CCSER1: variants seen among roughly 807,000 people sequenced by gnomAD.
CCSER1 encodes the protein serine-rich coiled-coil domain-containing protein 1.
A neutral mutation model predicts 82.0 loss-of-function variants in CCSER1; 41 were observed. That is an observed-to-expected ratio of 0.50 (90% confidence interval 0.39 to 0.65). CCSER1 has a LOEUF of 0.65. CCSER1 is among the 30% of genes least tolerant of loss of function. CCSER1 has a pLI of 0.00. For missense variants in CCSER1, 1,119 were observed against 1,064.2 expected, an observed-to-expected ratio of 1.05 and a Z score of -0.72; for synonymous variants, 414 against 383.9, an observed-to-expected ratio of 1.08 and a Z score of -0.92.
At position 90,287,838 on chromosome 4, in the gene CCSER1, A is replaced by G. The variant is rs79916769; in HGVS notation, c.-41-20406A>G. On this transcript the variant is annotated intron_variant, in intron 1 of 10. Coordinates refer to ENST00000509176, the MANE Select transcript of CCSER1 (RefSeq NM_001145065.2). ...TTGAAACTTTATGTATTTATGTTTCATTTTTCTATTCCATCCTGACTTTTC... is the reference window on the plus strand; with the variant it reads ...TTGAAACTTTATGTATTTATGTTTCGTTTTTCTATTCCATCCTGACTTTTC... 2.2e-3 allele frequency among the ~76,000 whole-genome samples: 339 copies of G among 151,962 alleles called. 8 individuals are homozygous for G. The East Asian group carries it at 0.056, about 25-fold the overall frequency.
chr4:90,672,304 T>A lies in CCSER1; in HGVS notation c.1932+44072T>A, dbSNP rs116235563. Among the ~76,000 whole-genome samples, 633 of 152,196 alleles carry A rather than the reference T, an allele frequency of 4.2e-3. 8 individuals are homozygous for A. The highest frequency in any genetic ancestry group is 0.015 in the African/African-American group (620 of 41,552). ...TAGCTAGATCTTCTGGATAACTTGCTGCAGCATCTTCATCAACACTTACTG... is the reference window on the plus strand; with the variant it reads ...TAGCTAGATCTTCTGGATAACTTGCAGCAGCATCTTCATCAACACTTACTG... On this transcript the variant is annotated intron_variant, in intron 6 of 10. Coordinates refer to ENST00000509176, the MANE Select transcript of CCSER1 (RefSeq NM_001145065.2).
chr4:90,650,218 AAAACAAACAAACAAAC>A (rs10593067), intron 6 of CCSER1, among the ~76,000 whole-genome samples: 2 of 151,672 alleles, frequency 1.3e-5, no homozygotes, highest in African/African-American at 4.9e-5. Flanking sequence ...CTCCGTCTCA[AAAACAAACAAACAAAC>A]AAACAAACAG....
At chr4:91,283,878 G>A (rs964131655) in intron 10 of CCSER1, among the ~76,000 whole-genome samples, 2 of 152,028 alleles carry the variant, frequency 1.3e-5, no homozygotes, top group Admixed American at 1.3e-4. Context: ...ATTCAGCTCT[G>A]TGTTGTAAAC....
Position 91,310,229 on chromosome 4 carries a change from C to A in CCSER1, c.2217+224235C>A, listed in dbSNP as rs189509708. Among the ~76,000 whole-genome samples the A allele has an allele frequency of 1.5e-4, 23 of 151,908 alleles. No homozygotes were observed. In the East Asian group the frequency reaches 4.5e-3, roughly 30 times the overall value. ...GAGTCCTTTTAATTGCAACATTGGC[C>A]TGATTGGCTGCCATTTTATTATCGT... On this transcript the variant is annotated intron_variant, in intron 10 of 10. Transcript: ENST00000509176.
intron 9 of CCSER1, among the ~76,000 whole-genome samples, chr4:90,927,091 A>G (rs1480525764): frequency 6.6e-6 from 1 of 152,062 alleles, no homozygotes; most frequent in African/African-American, 2.4e-5. Flanking sequence ...ATATTCTGAC[A>G]GTGAGAAATT....
In CCSER1 at chr4:91,047,478, T is replaced by C. The variant is rs576242338; in HGVS notation, c.2173-38472T>C. On this transcript the variant is annotated intron_variant, in intron 9 of 10. Transcript: ENST00000509176. The stretch of plus-strand genomic sequence containing the variant: ...ACTCAGCTTGATCACCACAACAAAG[T>C]TAATGCAAAATTTATGACAAATTAC... Among the ~76,000 whole-genome samples, 16 of 152,224 alleles carry C rather than the reference T, an allele frequency of 1.1e-4. 1 individual carries two copies. In the South Asian group the frequency reaches 3.3e-3, roughly 32 times the overall value.
intron 3 of CCSER1, among the ~76,000 whole-genome samples, chr4:90,390,786 C>T (rs781004455): frequency 5.3e-5 from 8 of 151,972 alleles, no homozygotes; most frequent in Non-Finnish European, 1.0e-4. Context: ...TATTTATTTT[C>T]TTTTTGATAT....
At chr4:90,483,545 G>T (rs1766451040) in intron 5 of CCSER1, among the ~76,000 whole-genome samples, 2 of 152,166 alleles carry the variant, frequency 1.3e-5, no homozygotes, top group South Asian at 4.1e-4. Flanking sequence ...GCTTCCTTCA[G>T]GAGGTCTTTC....
intron 10 of CCSER1, among the ~76,000 whole-genome samples, chr4:91,396,298 G>A (rs1029611710): frequency 6.6e-6 from 1 of 152,202 alleles, no homozygotes; most frequent in South Asian, 2.1e-4. Context: ...GGTAATAATT[G>A]TAGTTTAGCT....
At chr4:90,434,719 A>G (rs894026790) in intron 4 of CCSER1, among the ~76,000 whole-genome samples, 10 of 152,120 alleles carry the variant, frequency 6.6e-5, no homozygotes, top group Admixed American at 4.6e-4. Context: ...GTGGTGGCTG[A>G]TTTGAGGAAC....
chr4:90,873,039 A>G (rs1308596745), intron 8 of CCSER1, among the ~76,000 whole-genome samples: 4 of 151,988 alleles, frequency 2.6e-5, no homozygotes, highest in Admixed American at 2.0e-4. Context: ...TGATTATTAA[A>G]TATCTTAGGT....
At chr4:91,403,596 T>C (rs1240325578) in intron 10 of CCSER1, among the ~76,000 whole-genome samples, 2 of 152,202 alleles carry the variant, frequency 1.3e-5, no homozygotes, top group Non-Finnish European at 2.9e-5. Context: ...TGAGAATTTT[T>C]AGCATGAAGG....
At chr4:91,020,309 T>G (rs1436579315) in intron 9 of CCSER1, among the ~76,000 whole-genome samples, 1 of 152,200 alleles carries the variant, frequency 6.6e-6, no homozygotes, top group Admixed American at 6.5e-5. Context: ...TGTTGCCCTT[T>G]GGTAAGTATT....
chr4:91,334,326 T>C (rs376099932), intron 10 of CCSER1, among the ~76,000 whole-genome samples: 45 of 152,252 alleles, frequency 3.0e-4, no homozygotes, highest in Middle Eastern at 3.4e-3. Context: ...CGTATGCTTC[T>C]TGAGGTATGT....
In CCSER1 at chr4:91,470,083, A is replaced by C. The variant is rs574866571; in HGVS notation, c.2218-128489A>C. ...TTAAATCTGTAGATGCAAAAAGCCT[A>C]CTTATATAACCAGTGCTGAAATGAC... On this transcript the variant is annotated intron_variant, in intron 10 of 10. Transcript: ENST00000509176. Among the ~76,000 whole-genome samples the C allele has an allele frequency of 2.6e-3, 399 of 152,276 alleles. 2 individuals are homozygous for C. The highest frequency in any genetic ancestry group is 4.4e-3 in the Non-Finnish European group (300 of 68,006).
intron 1 of CCSER1, among the ~76,000 whole-genome samples, chr4:90,225,542 T>C (rs1743007221): frequency 6.6e-6 from 1 of 152,224 alleles, no homozygotes; most frequent in African/African-American, 2.4e-5. Context: ...ATTATCTATT[T>C]GGCAATTGAG....
At chr4:91,109,812 T>G (rs2148869361) in intron 10 of CCSER1, among the ~76,000 whole-genome samples, 1 of 152,246 alleles carries the variant, frequency 6.6e-6, no homozygotes, top group East Asian at 1.9e-4. Flanking sequence ...CTGCTAAGAT[T>G]TAGGCATTAA....
chr4:90,371,919 C>G (rs1227425901), intron 3 of CCSER1, among the ~76,000 whole-genome samples: 1 of 152,120 alleles, frequency 6.6e-6, no homozygotes, highest in East Asian at 1.9e-4. Flanking sequence ...AATGAATAAA[C>G]TGTGTACACT....
chr4:91,596,065 G>A (rs1655441562), intron 10 of CCSER1, among the ~76,000 whole-genome samples: 1 of 150,468 alleles, frequency 6.6e-6, no homozygotes, highest in African/African-American at 2.4e-5. Flanking sequence ...TTGAGAGTAA[G>A]AAGCCCCATC....
Sources: allele counts gnomAD v4.1 joint callset (sites outside exome capture counted in the v4.1 genomes callset), GRCh38; gene constraint gnomAD v4.1.1; transcripts MANE v1.5; gene names NCBI Gene and HGNC (gene_info 2026-07-23, HGNC 2026-07-21).